Variants in NRL observed in about 807,000 individuals in gnomAD.
NRL encodes neural retina-specific leucine zipper protein.
In NRL, 16 loss-of-function variants were observed where a neutral mutation model predicts 12.5. The ratio of observed to expected loss-of-function variants is 1.28; its 90% CI spans 0.87 to 1.95. The LOEUF is 1.95. Ranked by LOEUF, NRL falls within the 30% of genes most tolerant of loss-of-function variation. The pLI, the probability that NRL is intolerant of heterozygous loss-of-function variation, is 0.00. For missense variants in NRL, 314 were observed against 325.8 expected, an observed-to-expected ratio of 0.96 and a Z score of 0.28; for synonymous variants, 142 against 150.9, an observed-to-expected ratio of 0.94 and a Z score of 0.43.
At chr14:24,103,582 A>G (rs1041810998) in intron 1 of NRL, 4 of 1,602,810 alleles carry the variant, frequency 2.5e-6, no homozygotes, top group Non-Finnish European at 3.4e-6. Flanking sequence ...TACCTGGAAC[A>G]CTGGCTGAGC....
At chr14:24,099,684 G>C (rs1209710448) in intron 1 of NRL, 1 of 1,614,122 alleles carries the variant, frequency 6.2e-7, no homozygotes. Context: ...GGAGTGTGTG[G>C]GGGATGATAT....
In NRL at chr14:24,094,007, G is replaced by A. The variant is rs928517601; in HGVS notation, c.-27-11132C>T. The A allele has an allele frequency of 9.7e-6, 5 of 515,348 alleles. No individual in the cohort carries two copies. The highest frequency in any genetic ancestry group is 6.8e-6 in the Non-Finnish European group (2 of 294,696). The allele number at this position is 515,348 out of a possible 1,614,324, so 31.9% of individuals were successfully genotyped here. On this transcript the variant is annotated intron_variant, in intron 1 of 2. Coordinates refer to ENST00000561028, the MANE Select transcript of NRL (RefSeq NM_001354768.3). The surrounding 1 kb of genome is among the most constrained non-coding windows in gnomAD (Gnocchi z 4.1). ...GTTCCTAGCTTGTTTGCCACCTAGT[G>A]TCTCTCCCGGGAGCAAGAGTCCTCA...
intron 1 of NRL, among the ~76,000 whole-genome samples, chr14:24,091,725 T>C (rs1487956119): frequency 6.6e-6 from 1 of 151,986 alleles, no homozygotes; most frequent in Non-Finnish European, 1.5e-5. Context: ...TTTTTCAATA[T>C]ACACAAAGCA....
rs142940593 is a variant in NRL at position 24,095,151 on chromosome 14, C to G, written c.-27-12276G>C. 8.7e-4 allele frequency: 395 copies of G among 456,068 alleles called. 2 individuals are homozygous for G. The highest frequency in any genetic ancestry group is 7.2e-3 in the African/African-American group (361 of 50,170). The allele number at this position is 456,068 out of a possible 1,614,324, so 28.3% of individuals were successfully genotyped here. ...GAGGCCTCTCTTCTCAGCTTTTGTCCCAGAGTCGGAAGTGACCCACATCTG... is the reference window on the plus strand; with the variant it reads ...GAGGCCTCTCTTCTCAGCTTTTGTCGCAGAGTCGGAAGTGACCCACATCTG... On this transcript the variant is annotated intron_variant, in intron 1 of 2. Transcript: ENST00000561028.
Position 24,081,861 on chromosome 14 carries a change from TC to T in NRL, c.382-294del. On this transcript the variant is annotated intron_variant, in intron 2 of 2. Coordinates refer to ENST00000561028, the MANE Select transcript of NRL (RefSeq NM_001354768.3). The surrounding 1 kb of genome is among the most constrained non-coding windows in gnomAD (Gnocchi z 4.4). ...CTAAACCCCGGGCTCGTCTCTGGGA[TC>T]CCCGGCATCCAGCTCCAGGCCCGGG... 7.3e-7 allele frequency: 1 copy of T among 1,366,824 alleles called. No individual in the cohort carries two copies. The highest frequency in any genetic ancestry group is 9.5e-7 in the Non-Finnish European group (1 of 1,057,078). The allele number at this position is 1,366,824 out of a possible 1,614,324, so 84.7% of individuals were successfully genotyped here.
chr14:24,103,877 C>G lies in NRL; in HGVS notation c.-28+10845G>C, dbSNP rs186959087. 16 of 1,614,128 alleles carry G rather than the reference C, an allele frequency of 9.9e-6. No individual in the cohort carries two copies. In the African/African-American group the frequency reaches 1.3e-4, roughly 13 times the overall value. On this transcript the variant is annotated intron_variant, in intron 1 of 2. Coordinates refer to ENST00000561028, the MANE Select transcript of NRL (RefSeq NM_001354768.3). ...AACAGGAGGTTCGTGACATTCGGAGCTACCTGACAGAGCAGGTCAACCAGG... is the reference window on the plus strand; with the variant it reads ...AACAGGAGGTTCGTGACATTCGGAGGTACCTGACAGAGCAGGTCAACCAGG...
intron 1 of NRL, chr14:24,099,198 C>T: frequency 6.2e-7 from 1 of 1,603,566 alleles, no homozygotes; most frequent in Non-Finnish European, 8.5e-7. Flanking sequence ...CGCCTCTCGG[C>T]TGGCCCGGGA....
In NRL at chr14:24,100,220, G is replaced by A. The variant is rs753803437; in HGVS notation, c.-28+14502C>T. 4.3e-6 allele frequency: 7 copies of A among 1,613,900 alleles called. No individual in the cohort carries two copies. The African/African-American group carries it at 6.7e-5, about 15-fold the overall frequency. ...GGCAAACCCTGGAAACCTGGTATGT[G>A]CGGTGGGGAAGGTGTGGCACAGCCT... On this transcript the variant is annotated intron_variant, in intron 1 of 2. Coordinates refer to ENST00000561028, the MANE Select transcript of NRL (RefSeq NM_001354768.3).
Position 24,082,787 on chromosome 14 carries a change from A to G in NRL, c.62T>C (p.Phe21Ser), listed in dbSNP as rs147913591. 9.9e-6 allele frequency: 16 copies of G among 1,614,036 alleles called. No homozygotes were observed. The highest frequency in any genetic ancestry group is 2.7e-5 in the African/African-American group (2 of 74,926). ...CTCAGAGGGTTCCCGCTTTACCTCA[A>G]ACTTCATCAAGTCAAAGTCATTGAC... The part of the protein sequence containing the change: ...EYVNDFDLMK[F>S]EVKREPSEGR... Residue 21 changes from phenylalanine to serine, a missense_variant, in exon 2 of 3, where the codon TTT becomes TCT. Coordinates refer to ENST00000561028, the MANE Select transcript of NRL (RefSeq NM_001354768.3).
intron 1 of NRL, chr14:24,096,869 C>T: frequency 6.2e-7 from 1 of 1,602,302 alleles, no homozygotes; most frequent in Non-Finnish European, 8.5e-7. Flanking sequence ...GCAACTAGCT[C>T]ATTGCCTCTG....
chr14:24,099,121 TC>T (rs1267385378), intron 1 of NRL: 13 of 1,612,376 alleles, frequency 8.1e-6, no homozygotes, highest in Non-Finnish European at 1.1e-5. Flanking sequence ...CAGCGGGAGA[TC>T]ATCTCCTTCG....
At position 24,094,131 on chromosome 14, in the gene NRL, T is replaced by G. The variant is rs899973396; in HGVS notation, c.-27-11256A>C. On this transcript the variant is annotated intron_variant, in intron 1 of 2. Coordinates refer to ENST00000561028, the MANE Select transcript of NRL (RefSeq NM_001354768.3). This position sits in a 1 kb window ranked among gnomAD's most constrained non-coding sequence, Gnocchi z 4.1. ...GGACCCAGTCCTCCAATGGGAGAGA[T>G]GGGTTTGGCGGTTTGGAGGCAGGGG... 1.1e-5 allele frequency: 6 copies of G among 539,510 alleles called. No individual in the cohort carries two copies. Among genetic ancestry groups the G allele is most frequent in the Non-Finnish European group, 1.9e-5 (6 of 308,412 alleles). 33.4% of individuals were successfully genotyped at this position (539,510 alleles called of 1,614,324 possible). A position where few individuals can be genotyped will look rare whatever the true frequency, so the allele number is the denominator to read the frequency against.
At chr14:24,101,563 T>C (rs910005844) in intron 1 of NRL, among the ~76,000 whole-genome samples, 3 of 152,204 alleles carry the variant, frequency 2.0e-5, no homozygotes, top group African/African-American at 7.2e-5. Context: ...TCTCTATTTT[T>C]CCAGCCCTAT....
chr14:24,094,767 T>G lies in NRL; in HGVS notation c.-27-11892A>C. On this transcript the variant is annotated intron_variant, in intron 1 of 2. Coordinates refer to ENST00000561028, the MANE Select transcript of NRL (RefSeq NM_001354768.3). This position sits in a 1 kb window ranked among gnomAD's most constrained non-coding sequence, Gnocchi z 4.1. ...CGCATATCCTCCTTTCCTTCCCAGA[T>G]ACCTCCCTCGGACCTCTAACGGGCT... is the stretch of plus-strand genomic sequence containing the variant. The G allele has an allele frequency of 2.1e-6, 3 of 1,403,254 alleles. No individual in the cohort carries two copies. Among genetic ancestry groups the G allele is most frequent in the Non-Finnish European group, 2.8e-6 (3 of 1,062,756 alleles). The allele number at this position is 1,403,254 out of a possible 1,614,324, so 86.9% of individuals were successfully genotyped here.
At chr14:24,089,007 G>A (rs960768620) in intron 1 of NRL, among the ~76,000 whole-genome samples, 2 of 151,308 alleles carry the variant, frequency 1.3e-5, no homozygotes, top group African/African-American at 4.9e-5. Flanking sequence ...GGTTTCACTG[G>A]GTTAGCCAAG....
rs373553320 is a variant in NRL, at chr14:24,099,770, C to T, written c.-28+14952G>A. Reference sequence around the variant, plus strand: ...TTGGTTCTGGCTCTTGTCAGAGCCTCGGGGTCTCCTCTCTAGTGTTCACAA... The same window carrying T: ...TTGGTTCTGGCTCTTGTCAGAGCCTTGGGGTCTCCTCTCTAGTGTTCACAA... On this transcript the variant is annotated intron_variant, in intron 1 of 2. Transcript: ENST00000561028. 1.7e-5 allele frequency: 26 copies of T among 1,551,542 alleles called. No individual in the cohort carries two copies. In the Middle Eastern group the frequency reaches 6.7e-4, roughly 40 times the overall value.
rs1189168073 is a variant in NRL, at chr14:24,079,388, T to A, written c.*1848A>T. Among the ~76,000 whole-genome samples the A allele has an allele frequency of 6.6e-6, 1 of 152,202 alleles. No homozygotes were observed. The highest frequency in any genetic ancestry group is 2.4e-5 in the African/African-American group (1 of 41,450). On this transcript the variant is annotated 3_prime_UTR_variant, in exon 3 of 3. Transcript: ENST00000561028. ...GACCCTCCCTGCCCCATCCTCTCCC[T>A]TCAACAATGAGTGTGGAAGGGGATG...
In NRL at chr14:24,079,657, G is replaced by C. The variant is rs918528250; in HGVS notation, c.*1579C>G. On this transcript the variant is annotated 3_prime_UTR_variant, in exon 3 of 3. Coordinates refer to ENST00000561028, the MANE Select transcript of NRL (RefSeq NM_001354768.3). ...ACAGCTGGGGAGGGGGTGGAGAGAG[G>C]GGGTAGAAAGGAAGAGGGACATATG... Among the ~76,000 whole-genome samples, 8 of 152,008 alleles carry C rather than the reference G, an allele frequency of 5.3e-5. No homozygotes were observed. Among genetic ancestry groups the C allele is most frequent in the African/African-American group, 1.9e-4 (8 of 41,378 alleles).
At chr14:24,084,181 C>T (rs1287352112) in intron 1 of NRL, among the ~76,000 whole-genome samples, 1 of 152,226 alleles carries the variant, frequency 6.6e-6, no homozygotes, top group Non-Finnish European at 1.5e-5. Flanking sequence ...CTTCCTGTTC[C>T]AGGGCAGGGT....
Sources: gnomAD v4.1 joint callset for allele counts (sites outside exome capture counted in the v4.1 genomes callset) on GRCh38, gnomAD v4.1.1 for gene constraint, Gnocchi (gnomAD v3.1) non-coding constraint, MANE v1.5 for transcripts, NCBI Gene and HGNC (gene_info 2026-07-23, HGNC 2026-07-21) for gene names.